The following PALLD variants were observed in gnomAD, a reference collection of about 807,000 sequenced individuals.
The protein encoded by PALLD is palladin.
PALLD carries 61 observed loss-of-function variants against 123.5 expected under a neutral mutation model. That is an observed-to-expected ratio of 0.49 (90% confidence interval 0.40 to 0.61). The LOEUF (loss-of-function observed/expected upper bound fraction) is 0.61. Ranked by LOEUF, PALLD falls within the 20% of genes least tolerant of loss-of-function variation. PALLD has a pLI of 0.00. For synonymous variants in PALLD, 465 were observed against 496.4 expected (o/e 0.94, Z 0.84); for missense variants, 1,273 against 1,377.0 (o/e 0.92, Z 1.20).
chr4:168,541,695 C>T (rs867119127), intron 2 of PALLD, among the ~76,000 whole-genome samples: 9 of 152,096 alleles, frequency 5.9e-5, no homozygotes, highest in East Asian at 5.8e-4. Context: ...TCCAGTGATC[C>T]GCCCACCTTA....
At chr4:168,843,310 A>G (rs565492925) in intron 10 of PALLD, among the ~76,000 whole-genome samples, 3 of 152,332 alleles carry the variant, frequency 2.0e-5, no homozygotes, top group African/African-American at 4.8e-5. Context: ...GCAAAATCAC[A>G]GGCTCCACCT....
intron 2 of PALLD, among the ~76,000 whole-genome samples, chr4:168,517,017 C>A (rs545056677): frequency 6.6e-6 from 1 of 152,196 alleles, no homozygotes; most frequent in East Asian, 1.9e-4. Flanking sequence ...AAGTGTGGTG[C>A]CAAGGAGCTT....
chr4:168,621,691 G>A (rs577848856), intron 2 of PALLD, among the ~76,000 whole-genome samples: 126 of 152,248 alleles, frequency 8.3e-4, no homozygotes, highest in African/African-American at 3.0e-3. Flanking sequence ...GTGATGAAAG[G>A]AATTTTACTA....
chr4:168,589,517 T>A (rs1461821075), intron 2 of PALLD, among the ~76,000 whole-genome samples: 1 of 142,932 alleles, frequency 7.0e-6, no homozygotes, highest in African/African-American at 2.5e-5. Flanking sequence ...GATAACCCAG[T>A]CCACTGTACC....
chr4:168,809,764 T>C (rs944212461), intron 10 of PALLD, among the ~76,000 whole-genome samples: 1 of 151,714 alleles, frequency 6.6e-6, no homozygotes, highest in African/African-American at 2.4e-5. Context: ...CTTGGGAGAC[T>C]GAGGCATGAG....
chr4:168,533,147 G>A (rs1346828856), intron 2 of PALLD, among the ~76,000 whole-genome samples: 1 of 152,030 alleles, frequency 6.6e-6, no homozygotes, highest in East Asian at 1.9e-4. Context: ...GGGAGTTGAG[G>A]GAGAAGACTG....
At chr4:168,631,612 G>T (rs1476107824) in intron 2 of PALLD, 5 of 985,462 alleles carry the variant, frequency 5.1e-6, no homozygotes, top group African/African-American at 3.5e-5. Context: ...GGCGAGACGC[G>T]GCGCATTCGC....
intron 10 of PALLD, among the ~76,000 whole-genome samples, chr4:168,781,167 G>C (rs1294153632): frequency 6.6e-6 from 1 of 152,136 alleles, no homozygotes; most frequent in Non-Finnish European, 1.5e-5. Flanking sequence ...TGAGTAGTAA[G>C]TTTATCCTCA....
In PALLD at chr4:168,565,089, A is replaced by T. The variant is rs541317798; in HGVS notation, c.908+52677A>T. On this transcript the variant is annotated intron_variant, in intron 2 of 21. Transcript: ENST00000505667. ...ATGCCTGTAGTCCCAGCTACTCAGGAGGCTGAGGCAGCAGATGGATTGAAC... is the reference window on the plus strand; with the variant it reads ...ATGCCTGTAGTCCCAGCTACTCAGGTGGCTGAGGCAGCAGATGGATTGAAC... Among the ~76,000 whole-genome samples the T allele has an allele frequency of 2.6e-4, 40 of 151,766 alleles. No homozygotes were observed. In the South Asian group the frequency reaches 8.4e-3, roughly 32 times the overall value.
intron 10 of PALLD, among the ~76,000 whole-genome samples, chr4:168,724,421 A>G (rs1351629834): frequency 1.3e-5 from 2 of 152,214 alleles, no homozygotes; most frequent in East Asian, 3.8e-4. Context: ...ATTGGTTTCT[A>G]TTACAAGTAT....
intron 10 of PALLD, among the ~76,000 whole-genome samples, chr4:168,864,907 T>C (rs980201674): frequency 6.6e-6 from 1 of 152,278 alleles, no homozygotes; most frequent in African/African-American, 2.4e-5. Context: ...CTGTTGACTA[T>C]ACACAGTCAT....
chr4:168,856,454 A>T (rs1748620809), intron 10 of PALLD, among the ~76,000 whole-genome samples: 1 of 152,210 alleles, frequency 6.6e-6, no homozygotes, highest in African/African-American at 2.4e-5. Context: ...CCTAATTTAC[A>T]TTCCCACCAA....
At chr4:168,726,138 G>T (rs1442330062) in intron 10 of PALLD, among the ~76,000 whole-genome samples, 1 of 152,204 alleles carries the variant, frequency 6.6e-6, no homozygotes, top group African/African-American at 2.4e-5. Flanking sequence ...TCTTTGAAAA[G>T]CAGAAATATA....
chr4:168,501,688 G>A (rs1297965704), intron 1 of PALLD, among the ~76,000 whole-genome samples: 4 of 152,040 alleles, frequency 2.6e-5, no homozygotes, highest in Non-Finnish European at 4.4e-5. Context: ...CCTTCAGAGC[G>A]CCATGAGGTG....
At chr4:168,763,480 A>T (rs1733234724) in intron 10 of PALLD, among the ~76,000 whole-genome samples, 2 of 152,210 alleles carry the variant, frequency 1.3e-5, no homozygotes, top group Admixed American at 1.3e-4. Flanking sequence ...GTTGAGTAAG[A>T]TCTGAAGACA....
At chr4:168,763,542 A>C (rs578161301) in intron 10 of PALLD, among the ~76,000 whole-genome samples, 44 of 152,212 alleles carry the variant, frequency 2.9e-4, no homozygotes, top group Non-Finnish European at 5.6e-4. Flanking sequence ...GAAGTAGATG[A>C]CTGAGTGTTT....
chr4:168,905,790 CTTTTTTT>C (rs59427697), intron 15 of PALLD, among the ~76,000 whole-genome samples: 4 of 113,096 alleles, frequency 3.5e-5, no homozygotes, highest in Non-Finnish European at 5.2e-5. Flanking sequence ...GCTTTTTTTT[CTTTTTTT>C]TTTTTTTTTT....
At chr4:168,762,334 A>G (rs1025763602) in intron 10 of PALLD, among the ~76,000 whole-genome samples, 1 of 152,166 alleles carries the variant, frequency 6.6e-6, no homozygotes, top group Non-Finnish European at 1.5e-5. Context: ...TGAGCCAGGT[A>G]TGGTGGCATG....
intron 2 of PALLD, among the ~76,000 whole-genome samples, chr4:168,584,942 G>A (rs945297249): frequency 1.4e-4 from 22 of 152,210 alleles, no homozygotes; most frequent in African/African-American, 5.3e-4. Context: ...ACATTTATTT[G>A]GAATGTCTAG....
Sources: allele counts gnomAD v4.1 joint callset (sites outside exome capture counted in the v4.1 genomes callset), GRCh38; gene constraint gnomAD v4.1.1; transcripts MANE v1.5; gene names NCBI Gene and HGNC (gene_info 2026-07-23, HGNC 2026-07-21).